The following MTUS2 variants were observed in gnomAD, a reference collection of about 807,000 sequenced individuals.
The protein encoded by MTUS2 is microtubule-associated tumor suppressor candidate 2.
MTUS2 carries 40 observed loss-of-function variants against 114.1 expected under a neutral mutation model. The ratio of observed to expected loss-of-function variants is 0.35; its 90% CI spans 0.27 to 0.46. The LOEUF is 0.46. Ranked by LOEUF, MTUS2 falls within the 20% of genes least tolerant of loss-of-function variation. The pLI is 1.00. For synonymous variants in MTUS2, 688 were observed against 672.0 expected (o/e 1.02, Z -0.37); for missense variants, 1,679 against 1,705.4 (o/e 0.98, Z 0.27).
intron 2 of MTUS2, among the ~76,000 whole-genome samples, chr13:29,002,414 A>G (rs1394913228): frequency 6.6e-6 from 1 of 152,176 alleles, no homozygotes; most frequent in East Asian, 1.9e-4. Context: ...CTATATACCC[A>G]TATATACTAT....
chr13:29,089,387 C>G, intron 4 of MTUS2, among the ~76,000 whole-genome samples: 1 of 152,104 alleles, frequency 6.6e-6, no homozygotes. Context: ...ACTTTAAGGT[C>G]TTTTCTTTCA....
intron 8 of MTUS2, among the ~76,000 whole-genome samples, chr13:29,383,244 G>GTATATATATATATATATTTATT (rs1295576309): frequency 0.24 from 12,707 of 53,250 alleles, 626 homozygotes; most frequent in South Asian, 0.42. Flanking sequence ...GTGTGTGTGT[G>GTATATATATATATATATTTATT]TGTGTGTGTA....
Position 29,495,148 on chromosome 13 carries a change from C to T in MTUS2, c.3580-2090C>T, listed in dbSNP as rs560354862. Among the ~76,000 whole-genome samples the T allele has an allele frequency of 1.4e-4, 19 of 135,776 alleles. No homozygotes were observed. The South Asian group carries it at 2.9e-3, about 21-fold the overall frequency. 89.1% of individuals were successfully genotyped at this position (135,776 alleles called of 152,430 possible). A position where few individuals can be genotyped will look rare whatever the true frequency, so the allele number is the denominator to read the frequency against. On this transcript the variant is annotated intron_variant, in intron 12 of 15. Coordinates refer to ENST00000612955, the MANE Select transcript of MTUS2 (RefSeq NM_001033602.4). The stretch of plus-strand genomic sequence containing the variant: ...GCAGTGAGCCGTGATCGCGCCACTG[C>T]ACTCCAACCTGGACAAGAGCAAAAC...
At chr13:29,203,560 G>GA (rs57964712) in intron 5 of MTUS2, among the ~76,000 whole-genome samples, 28,194 of 115,808 alleles carry the variant, frequency 0.24, 3,440 homozygotes, top group African/African-American at 0.33. Flanking sequence ...ACTGGGGTAT[G>GA]AAAAAAAAAA....
At chr13:29,304,772 C>T (rs1899364243) in intron 6 of MTUS2, among the ~76,000 whole-genome samples, 1 of 151,956 alleles carries the variant, frequency 6.6e-6, no homozygotes, top group African/African-American at 2.4e-5. Context: ...TGAACTCAGC[C>T]CTGGATCAAG....
intron 7 of MTUS2, 63 bp from the exon 8 acceptor site, chr13:29,359,199 G>T: frequency 7.0e-7 from 1 of 1,419,574 alleles, no homozygotes; most frequent in Non-Finnish European, 9.5e-7. Context: ...ATAAGAAGCC[G>T]TTGTCACATG....
chr13:28,996,509 C>T (rs930561803), intron 2 of MTUS2, among the ~76,000 whole-genome samples: 5 of 152,126 alleles, frequency 3.3e-5, no homozygotes, highest in African/African-American at 1.2e-4. Context: ...TAGAATTCGG[C>T]TGTGAATCCA....
At chr13:29,397,060 G>A (rs79523502) in intron 8 of MTUS2, among the ~76,000 whole-genome samples, 146 of 152,270 alleles carry the variant, frequency 9.6e-4, no homozygotes, top group Middle Eastern at 3.4e-3. Flanking sequence ...AAGCAGGATA[G>A]GGAAATGGCA....
intron 2 of MTUS2, among the ~76,000 whole-genome samples, chr13:28,968,028 T>A (rs1883677977): frequency 6.6e-6 from 1 of 152,200 alleles, no homozygotes; most frequent in African/African-American, 2.4e-5. Context: ...TTATTCATGA[T>A]GTCACCATTC....
chr13:29,031,237 G>GGGGTGTGTGT (rs144071821), intron 3 of MTUS2, among the ~76,000 whole-genome samples: 1 of 122,886 alleles, frequency 8.1e-6, no homozygotes, highest in Non-Finnish European at 1.7e-5. Context: ...AGAACTAATA[G>GGGGTGTGTGT]GTGTGTGTGT....
At chr13:28,870,334 A>G (rs529317727) in intron 2 of MTUS2, among the ~76,000 whole-genome samples, 2 of 152,212 alleles carry the variant, frequency 1.3e-5, no homozygotes, top group South Asian at 2.1e-4. Context: ...AACAACAACA[A>G]TCTTGATATT....
intron 5 of MTUS2, among the ~76,000 whole-genome samples, chr13:29,216,878 C>T (rs1895702930): frequency 6.6e-6 from 1 of 152,160 alleles, no homozygotes; most frequent in South Asian, 2.1e-4. Context: ...CAACAGTGCA[C>T]AAGAGTTTCA....
chr13:29,053,375 A>G (rs1887990684), intron 4 of MTUS2, among the ~76,000 whole-genome samples: 1 of 152,144 alleles, frequency 6.6e-6, no homozygotes. Context: ...GCACTAATTC[A>G]TGTTGTTTAT....
chr13:29,359,504 C>T, intron 8 of MTUS2, 31 bp downstream of exon 8: 1 of 1,586,868 alleles, frequency 6.3e-7, no homozygotes, highest in Non-Finnish European at 8.6e-7. Context: ...GGTCCAAGGG[C>T]ATTTTGGTTG....
At chr13:28,898,079 G>T (rs901467316) in intron 2 of MTUS2, among the ~76,000 whole-genome samples, 2 of 152,004 alleles carry the variant, frequency 1.3e-5, no homozygotes, top group African/African-American at 4.8e-5. Context: ...GTTTTGTTTG[G>T]GGGGCTGGGG....
chr13:29,003,409 C>G lies in MTUS2; in HGVS notation c.-242-21048C>G, dbSNP rs181241705. Among the ~76,000 whole-genome samples the G allele has an allele frequency of 3.9e-5, 6 of 152,306 alleles. No homozygotes were observed. In the East Asian group the frequency reaches 1.2e-3, roughly 29 times the overall value. On this transcript the variant is annotated intron_variant, in intron 2 of 15. Transcript: ENST00000612955. The stretch of plus-strand genomic sequence containing the variant: ...ATGCTCTGTGCTAGCCTCACTGGAT[C>G]TTTTCAGCTTATAGTCTTGAATTCC...
intron 6 of MTUS2, among the ~76,000 whole-genome samples, chr13:29,290,780 G>T (rs565189601): frequency 6.6e-6 from 1 of 152,194 alleles, no homozygotes; most frequent in South Asian, 2.1e-4. Context: ...GAGTTTAGTT[G>T]TCTAATGATG....
intron 8 of MTUS2, among the ~76,000 whole-genome samples, chr13:29,419,391 G>A (rs962650544): frequency 3.3e-5 from 5 of 152,132 alleles, no homozygotes; most frequent in African/African-American, 1.2e-4. Context: ...AGGTGGAGAG[G>A]TTGATACCAT....
intron 2 of MTUS2, among the ~76,000 whole-genome samples, chr13:28,865,626 A>G (rs1457487445): frequency 1.3e-5 from 2 of 152,196 alleles, no homozygotes; most frequent in East Asian, 1.9e-4. Flanking sequence ...GAGAAAATAC[A>G]ACTTGTCCTG....
Sources: gnomAD v4.1 joint callset for allele counts (sites outside exome capture counted in the v4.1 genomes callset) on GRCh38, gnomAD v4.1.1 for gene constraint, MANE v1.5 for transcripts, NCBI Gene and HGNC (gene_info 2026-07-23, HGNC 2026-07-21) for gene names.